The following ADAMTS6 variants were observed in gnomAD, a reference collection of about 807,000 sequenced individuals.
ADAMTS6 encodes A disintegrin and metalloproteinase with thrombospondin motifs 6.
A neutral mutation model predicts 144.3 loss-of-function variants in ADAMTS6; 23 were observed. The ratio of observed to expected loss-of-function variants is 0.16; its 90% CI spans 0.11 to 0.23. The LOEUF is 0.23. ADAMTS6 is among the 10% of genes least tolerant of loss of function. The pLI, the probability that ADAMTS6 is intolerant of heterozygous loss-of-function variation, is 1.00. For synonymous variants in ADAMTS6, 444 were observed against 457.5 expected, an observed-to-expected ratio of 0.97 and a Z score of 0.38; for missense variants, 999 against 1,379.6, an observed-to-expected ratio of 0.72 and a Z score of 4.37.
chr5:65,297,336 T>TCTCGTGGCC, intron 10 of ADAMTS6: 1 of 434,036 alleles, frequency 2.3e-6, no homozygotes, highest in Non-Finnish European at 4.6e-6. Flanking sequence ...CTTTGTATTC[T>TCTCGTGGCC]ATTGGCCATG....
chr5:65,292,340 T>G (rs1742394673), intron 10 of ADAMTS6, among the ~76,000 whole-genome samples: 1 of 151,978 alleles, frequency 6.6e-6, no homozygotes, highest in Non-Finnish European at 1.5e-5. Flanking sequence ...TATGCCAACA[T>G]TTAAAAATTT....
chr5:65,424,365 T>A (rs1408633293), intron 7 of ADAMTS6, among the ~76,000 whole-genome samples: 2 of 152,240 alleles, frequency 1.3e-5, no homozygotes, highest in African/African-American at 4.8e-5. Context: ...TTAAGTGTGC[T>A]CAAACTCATC....
At chr5:65,185,445 C>T (rs1341856886) in intron 22 of ADAMTS6, among the ~76,000 whole-genome samples, 2 of 152,178 alleles carry the variant, frequency 1.3e-5, no homozygotes, top group African/African-American at 4.8e-5. Flanking sequence ...CAGCAGTTTT[C>T]GACCTGTGCT....
At chr5:65,316,604 T>C (rs1561414449) in intron 9 of ADAMTS6, among the ~76,000 whole-genome samples, 2 of 152,106 alleles carry the variant, frequency 1.3e-5, no homozygotes, top group Admixed American at 6.5e-5. Flanking sequence ...AAATTCACTT[T>C]AAATATAAAG....
At position 65,225,006 on chromosome 5, in the gene ADAMTS6, T is replaced by A; in HGVS notation, c.2109A>T (p.Glu703Asp). ...CCCCTCCACAGACTCGACATCTATCTTCCCTAGCATCAGATCCCAAAATAT... is the reference window on the plus strand; with the variant it reads ...CCCCTCCACAGACTCGACATCTATCATCCCTAGCATCAGATCCCAAAATAT... ...CDNILGSDAR[E>D]DRCRVCGGDG... Residue 703 changes from glutamate to aspartate, a missense_variant, in exon 17 of 25, where the codon GAA becomes GAT. By Grantham distance (45) the Glu-to-Asp change is conservative. This residue lies in a region of ADAMTS6 where 619 missense variants were observed against 837.0 expected (regional missense o/e 0.74). Transcript: ENST00000381055. 1.2e-6 allele frequency: 2 copies of A among 1,614,086 alleles called. No homozygotes were observed. The highest frequency in any genetic ancestry group is 2.2e-5 in the South Asian group (2 of 91,076).
intron 15 of ADAMTS6, among the ~76,000 whole-genome samples, chr5:65,235,221 A>G (rs977228678): frequency 6.6e-6 from 1 of 152,190 alleles, no homozygotes; most frequent in Non-Finnish European, 1.5e-5. Flanking sequence ...CACATCATAC[A>G]CACAAAAAAG....
chr5:65,178,787 A>G (rs1356030799), intron 22 of ADAMTS6, among the ~76,000 whole-genome samples: 2 of 152,232 alleles, frequency 1.3e-5, no homozygotes, highest in Non-Finnish European at 2.9e-5. Context: ...ATTGGTTAAC[A>G]AATGCCAGAT....
intron 21 of ADAMTS6, among the ~76,000 whole-genome samples, chr5:65,191,521 C>T (rs1397017175): frequency 6.6e-6 from 1 of 152,078 alleles, no homozygotes; most frequent in Non-Finnish European, 1.5e-5. Flanking sequence ...TAATCATCAA[C>T]TCTTTTTACA....
chr5:65,381,015 G>A (rs1648805817), intron 7 of ADAMTS6, among the ~76,000 whole-genome samples: 1 of 152,110 alleles, frequency 6.6e-6, no homozygotes, highest in Admixed American at 6.5e-5. Context: ...CAAAAGTACA[G>A]AATTCTTAGA....
chr5:65,426,846 A>G (rs1756578032), intron 7 of ADAMTS6, among the ~76,000 whole-genome samples: 2 of 152,180 alleles, frequency 1.3e-5, no homozygotes, highest in African/African-American at 2.4e-5. Flanking sequence ...GCTGCAAAAC[A>G]TCTAGTATTG....
At chr5:65,370,952 G>C (rs910413699) in intron 7 of ADAMTS6, among the ~76,000 whole-genome samples, 1 of 152,210 alleles carries the variant, frequency 6.6e-6, no homozygotes, top group Admixed American at 6.5e-5. Flanking sequence ...GCCTCCTCAA[G>C]TTGGTCCCTG....
chr5:65,236,468 G>A (rs916276847), intron 15 of ADAMTS6, among the ~76,000 whole-genome samples: 5 of 151,874 alleles, frequency 3.3e-5, no homozygotes, highest in Middle Eastern at 3.4e-3. Context: ...TTTATTTTTC[G>A]TATAGACAAG....
At chr5:65,268,292 C>G (rs1047137088) in intron 12 of ADAMTS6, among the ~76,000 whole-genome samples, 3 of 152,196 alleles carry the variant, frequency 2.0e-5, no homozygotes, top group South Asian at 4.2e-4. Context: ...GTATTTGAAG[C>G]CTTCTTTGTG....
chr5:65,329,517 C>T, intron 8 of ADAMTS6, 34 bp from the exon 9 acceptor site: 1 of 1,569,226 alleles, frequency 6.4e-7, no homozygotes, highest in Non-Finnish European at 8.7e-7. Context: ...AAGGGTCAAG[C>T]CAAGGTGTTT....
chr5:65,380,001 TGAC>T (rs778550968), intron 7 of ADAMTS6, among the ~76,000 whole-genome samples: 7 of 152,284 alleles, frequency 4.6e-5, no homozygotes, highest in Non-Finnish European at 8.8e-5. Context: ...TACTGACTCA[TGAC>T]GACTGATTAT....
At chr5:65,466,990 C>A (rs1489982138) in intron 3 of ADAMTS6, among the ~76,000 whole-genome samples, 1 of 148,386 alleles carries the variant, frequency 6.7e-6, no homozygotes. Context: ...TGCAGTGAGC[C>A]AAGATTGCGC....
intron 21 of ADAMTS6, among the ~76,000 whole-genome samples, chr5:65,190,981 C>T (rs543372459): frequency 6.6e-6 from 1 of 152,184 alleles, no homozygotes; most frequent in South Asian, 2.1e-4. Flanking sequence ...TCTTCCTTCT[C>T]CACGTATTTG....
At chr5:65,410,362 A>C (rs984837970) in intron 7 of ADAMTS6, among the ~76,000 whole-genome samples, 3 of 152,224 alleles carry the variant, frequency 2.0e-5, no homozygotes, top group Non-Finnish European at 4.4e-5. Context: ...ATTATGGGTA[A>C]AAGTTACAGC....
chr5:65,324,952 T>C (rs1372923640), intron 9 of ADAMTS6, among the ~76,000 whole-genome samples: 2 of 152,196 alleles, frequency 1.3e-5, no homozygotes, highest in African/African-American at 2.4e-5. Flanking sequence ...TATGGATTAC[T>C]ATTCAGAAAA....
Sources: gnomAD v4.1 joint callset for allele counts (sites outside exome capture counted in the v4.1 genomes callset) on GRCh38, gnomAD v4.1.1 for gene constraint, gnomAD v4.1.1 regional missense constraint, MANE v1.5 for transcripts, NCBI Gene and HGNC (gene_info 2026-07-23, HGNC 2026-07-21) for gene names.